The following MYH16 variants were observed in gnomAD, a reference collection of about 807,000 sequenced individuals.
The protein encoded by MYH16 is putative uncharacterized protein MYH16.
chr7:99,277,091 GAGAGACAGCAAAATGAGGCAGAC>G (rs1279145895), intron 20 of MYH16, among the ~76,000 whole-genome samples: 7 of 152,060 alleles, frequency 4.6e-5, no homozygotes, highest in African/African-American at 1.7e-4. Context: ...GGGCGAGTGA[GAGAGACAGCAAAATGAGGCAGAC>G]AGAGACAGAA....
intron 40 of MYH16, among the ~76,000 whole-genome samples, chr7:99,305,198 G>A (rs539071640): frequency 5.3e-5 from 8 of 151,344 alleles, no homozygotes; most frequent in Non-Finnish European, 1.0e-4. Context: ...CAGAAAAAAA[G>A]AGAAAAGAAG....
intron 21 of MYH16, among the ~76,000 whole-genome samples, 145 bp from the exon 4 acceptor site, chr7:99,279,358 CAAAAAAA>C (rs35683727): frequency 1.5e-4 from 7 of 45,896 alleles, no homozygotes; most frequent in African/African-American, 4.7e-4. Context: ...AACCCTGACT[CAAAAAAA>C]AAAAAAAAAA....
chr7:99,279,508 A>T lies in MYH16; in HGVS notation n.2660-2A>T, dbSNP rs1488793403. 1 of 456,600 alleles carries T rather than the reference A, an allele frequency of 2.2e-6. No individual in the cohort carries two copies. Among genetic ancestry groups the T allele is most frequent in the South Asian group, 1.5e-5 (1 of 64,558 alleles). 28.3% of individuals were successfully genotyped at this position (456,600 alleles called of 1,614,324 possible). ...CTCGACCGGGGCTCTTTCTCCCAAC[A>T]GGAGCAAGAGAACCTGATGGATGCA... On this transcript the variant is annotated splice_acceptor_variant and non_coding_transcript_variant, in intron 21 of 41. Coordinates refer to ENST00000439784, the Ensembl canonical transcript of MYH16.
At chr7:99,291,409 C>G (rs1792373797) in exon 31 of MYH16, 1 of 456,558 alleles carries the variant, frequency 2.2e-6, no homozygotes, top group Non-Finnish European at 4.4e-6. Context: ...TCTGACGTCA[C>G]AAGTGGATGA....
rs144210947 is a variant in MYH16, at chr7:99,257,092, G to A, written n.997-210G>A. Among the ~76,000 whole-genome samples the A allele has an allele frequency of 2.8e-4, 42 of 152,320 alleles. 1 individual carries two copies. In the East Asian group the frequency reaches 8.1e-3, roughly 29 times the overall value. On this transcript the variant is annotated intron_variant and non_coding_transcript_variant, in intron 9 of 41. Transcript: ENST00000439784. ...CAGATGACGAAACAGAAGCCAGAGA[G>A]GTTACTGTAAATAAATGAAATGACT... is the stretch of plus-strand genomic sequence containing the variant.
intron 30 of MYH16, among the ~76,000 whole-genome samples, chr7:99,290,367 G>T (rs1046252901): frequency 1.3e-5 from 2 of 151,020 alleles, no homozygotes; most frequent in Non-Finnish European, 2.9e-5. Context: ...CACACTGGTG[G>T]TCCCAGCTAC....
Position 99,283,547 on chromosome 7 carries a change from G to A in MYH16, n.2993-18G>A, listed in dbSNP as rs1342919050. 2.2e-6 allele frequency: 1 copy of A among 455,632 alleles called. No homozygotes were observed. The highest frequency in any genetic ancestry group is 6.9e-5 in the East Asian group (1 of 14,392). 28.2% of individuals were successfully genotyped at this position (455,632 alleles called of 1,614,324 possible). A position where few individuals can be genotyped will look rare whatever the true frequency, so the allele number is the denominator to read the frequency against. On this transcript the variant is annotated intron_variant and non_coding_transcript_variant, in intron 23 of 41. Coordinates refer to ENST00000439784, the Ensembl canonical transcript of MYH16. ...CCACTGGGCCTCGTGGCACTCACGT[G>A]TGTATCTGTCCTTCCAGAAAACCCT...
intron 33 of MYH16, among the ~76,000 whole-genome samples, chr7:99,294,718 C>A (rs1398751021): frequency 6.6e-6 from 1 of 151,726 alleles, no homozygotes; most frequent in South Asian, 2.1e-4. Flanking sequence ...GTGCCCACCA[C>A]CACGCCCAGC....
rs563369611 is a variant in MYH16, at chr7:99,243,654, C to T, written n.354+233C>T. On this transcript the variant is annotated intron_variant and non_coding_transcript_variant, in intron 2 of 41. Transcript: ENST00000439784. ...TGAGCAGCTTTTGCTGAGGCTGTCA[C>T]CCGAAAATCTTCCTCCTCATGTTCC... Among the ~76,000 whole-genome samples, 31 of 152,298 alleles carry T rather than the reference C, an allele frequency of 2.0e-4. No homozygotes were observed. In the South Asian group the frequency reaches 6.4e-3, roughly 32 times the overall value.
At chr7:99,310,708 G>GCTCACCTTT (rs1792748828), downstream of MYH16, 1 of 152,180 alleles carries the variant, frequency 6.6e-6, no homozygotes, top group Non-Finnish European at 1.5e-5. Flanking sequence ...TGCTCACCTT[G>GCTCACCTTT]CTCACCATCT....
At chr7:99,301,189 C>G (rs1792589060) in intron 37 of MYH16, among the ~76,000 whole-genome samples, 1 of 79,760 alleles carries the variant, frequency 1.3e-5, no homozygotes, top group Admixed American at 1.9e-4. Flanking sequence ...GAGCAAGACT[C>G]TGTCTCAAAA....
At position 99,269,866 on chromosome 7, in the gene MYH16, T is replaced by TA. The variant is rs1491151664; in HGVS notation, n.2267-1091_2267-1090insA. Among the ~76,000 whole-genome samples the TA allele has an allele frequency of 5.9e-5, 5 of 84,094 alleles. No individual in the cohort carries two copies. In the East Asian group the frequency reaches 1.1e-3, roughly 19 times the overall value. The allele number at this position is 84,094 out of a possible 152,430, so 55.2% of individuals were successfully genotyped here. A position where few individuals can be genotyped will look rare whatever the true frequency, so the allele number is the denominator to read the frequency against. On this transcript the variant is annotated intron_variant and non_coding_transcript_variant, in intron 18 of 41. Transcript: ENST00000439784. The stretch of plus-strand genomic sequence containing the variant: ...ATACATTAGACTCATCTGGGGACAC[T>TA]TTTTTTTTTTTTTTTTTTTTTTTTT...
chr7:99,241,458 C>G (rs903376573), intron 1 of MYH16, among the ~76,000 whole-genome samples: 1 of 152,160 alleles, frequency 6.6e-6, no homozygotes, highest in African/African-American at 2.4e-5. Flanking sequence ...TGGCCTGCGC[C>G]TGTAATCCCA....
At chr7:99,295,096 C>T (rs1320507388) in intron 33 of MYH16, among the ~76,000 whole-genome samples, 1 of 151,926 alleles carries the variant, frequency 6.6e-6, no homozygotes, top group East Asian at 1.9e-4. Flanking sequence ...TTACATAATA[C>T]GGCCGGGCGC....
rs1453621941 is a variant in MYH16, at chr7:99,302,329, C to T, written n.5137+525C>T. Among the ~76,000 whole-genome samples, 29 of 140,538 alleles carry T rather than the reference C, an allele frequency of 2.1e-4. 2 individuals are homozygous for T. The highest frequency in any genetic ancestry group is 7.2e-4 in the African/African-American group (25 of 34,758). The allele number at this position is 140,538 out of a possible 152,430, so 92.2% of individuals were successfully genotyped here. On this transcript the variant is annotated intron_variant and non_coding_transcript_variant, in intron 38 of 41. Transcript: ENST00000439784. ...AAAAAAAAATATATACACACACACA[C>T]ACACACACACACACACACACACACA... is the stretch of plus-strand genomic sequence containing the variant.
chr7:99,309,451 T>G (rs1446815503), downstream of MYH16, among the ~76,000 whole-genome samples: 3 of 152,218 alleles, frequency 2.0e-5, no homozygotes, highest in Non-Finnish European at 4.4e-5. Flanking sequence ...AGATAAAATA[T>G]GGGGCACAGA....
At chr7:99,267,325 C>T (rs1158354722) in intron 18 of MYH16, among the ~76,000 whole-genome samples, 3 of 152,294 alleles carry the variant, frequency 2.0e-5, no homozygotes, top group Admixed American at 2.0e-4. Context: ...AACTCCCAGG[C>T]TCAAGTGATC....
exon 34 of MYH16, chr7:99,296,773 A>G (rs1584358506): frequency 2.2e-6 from 1 of 456,480 alleles, no homozygotes; most frequent in Non-Finnish European, 4.4e-6. Flanking sequence ...GTGGCAGCAG[A>G]AGTGTGAGGA....
intron 30 of MYH16, among the ~76,000 whole-genome samples, chr7:99,290,223 C>A (rs972125605): frequency 6.6e-6 from 1 of 152,180 alleles, no homozygotes; most frequent in Non-Finnish European, 1.5e-5. Flanking sequence ...GTGGCTCACA[C>A]TTGTAATTCC....
Sources: gnomAD v4.1 joint callset for allele counts (sites outside exome capture counted in the v4.1 genomes callset) on GRCh38, gnomAD v4.1.1 for gene constraint, MANE v1.5 for transcripts, NCBI Gene and HGNC (gene_info 2026-07-23, HGNC 2026-07-21) for gene names.